ADGRV1: variants seen among roughly 807,000 people sequenced by gnomAD.
ADGRV1 encodes adhesion G protein-coupled receptor V1.
In ADGRV1, 359 loss-of-function variants were observed where a neutral mutation model predicts 596.2. The ratio of observed to expected loss-of-function variants is 0.60; its 90% CI spans 0.55 to 0.66. The LOEUF (loss-of-function observed/expected upper bound fraction) is 0.66. Ranked by LOEUF, ADGRV1 falls within the 30% of genes least tolerant of loss-of-function variation. The pLI is 0.00. For synonymous variants in ADGRV1, 2,681 were observed against 2,679.2 expected (o/e 1.00, Z -0.02); for missense variants, 7,274 against 7,575.6 (o/e 0.96, Z 1.48).
chr5:91,127,241 G>A (rs990248182), intron 87 of ADGRV1, among the ~76,000 whole-genome samples: 2 of 152,102 alleles, frequency 1.3e-5, no homozygotes, highest in African/African-American at 4.8e-5. Context: ...CTTCATATTT[G>A]TCAAATAATA....
intron 83 of ADGRV1, among the ~76,000 whole-genome samples, chr5:90,874,039 ACT>A: frequency 6.6e-6 from 1 of 151,908 alleles, no homozygotes; most frequent in African/African-American, 2.4e-5. Context: ...GACTAAATTG[ACT>A]CTAATCATTT....
chr5:90,615,097 TCTG>T, intron 2 of ADGRV1, 78 bp downstream of exon 2: 11 of 920,498 alleles, frequency 1.2e-5, no homozygotes, highest in South Asian at 6.5e-5. Context: ...ATTTTTTTTT[TCTG>T]TTTGAGATTT....
intron 7 of ADGRV1, chr5:90,628,047 T>C (rs1765019025): frequency 4.1e-6 from 1 of 244,068 alleles, no homozygotes; most frequent in Admixed American, 5.1e-5. Flanking sequence ...ATTCATAGTA[T>C]AGTAGTTCCC....
intron 85 of ADGRV1, 64 bp from the exon 86 acceptor site, chr5:91,072,383 A>G: frequency 7.4e-7 from 1 of 1,351,200 alleles, no homozygotes; most frequent in Non-Finnish European, 1.1e-6. Context: ...GATGTGATAC[A>G]TTCTGCATTT....
intron 1 of ADGRV1, among the ~76,000 whole-genome samples, chr5:90,596,710 G>T (rs1760696268): frequency 1.3e-5 from 2 of 152,212 alleles, no homozygotes; most frequent in African/African-American, 4.8e-5. Context: ...GAATCAGGCA[G>T]GGCGGTTGCA....
chr5:91,050,831 C>T, intron 85 of ADGRV1, among the ~76,000 whole-genome samples: 1 of 152,146 alleles, frequency 6.6e-6, no homozygotes, highest in Non-Finnish European at 1.5e-5. Flanking sequence ...TGCATTCCAG[C>T]CTGGGTGATG....
chr5:90,876,236 CAG>C (rs1769206336), intron 83 of ADGRV1, among the ~76,000 whole-genome samples: 1 of 152,092 alleles, frequency 6.6e-6, no homozygotes, highest in South Asian at 2.1e-4. Flanking sequence ...ATCCTCCTCT[CAG>C]AAATATTTAA....
At chr5:90,790,834 A>T in intron 69 of ADGRV1, 39 bp from the exon 70 acceptor site, 1 of 1,359,900 alleles carries the variant, frequency 7.4e-7, no homozygotes, top group Non-Finnish European at 1.0e-6. Flanking sequence ...CAATATACTG[A>T]ATTATATAAC....
At chr5:91,132,223 G>A (rs1320943793) in intron 87 of ADGRV1, among the ~76,000 whole-genome samples, 1 of 152,028 alleles carries the variant, frequency 6.6e-6, no homozygotes, top group African/African-American at 2.4e-5. Flanking sequence ...TTTCTGTATA[G>A]AACAAATTGT....
chr5:90,955,402 A>G (rs769608244), intron 83 of ADGRV1, among the ~76,000 whole-genome samples: 1 of 152,190 alleles, frequency 6.6e-6, no homozygotes, highest in Non-Finnish European at 1.5e-5. Context: ...TGCTGCCCCA[A>G]AGCAGAGAGT....
At chr5:90,770,170 A>G (rs1475087921) in intron 59 of ADGRV1, among the ~76,000 whole-genome samples, 1 of 152,204 alleles carries the variant, frequency 6.6e-6, no homozygotes. Flanking sequence ...ATTATGGCAG[A>G]AGATGAAGGA....
chr5:90,596,879 A>G (rs1257651447), intron 1 of ADGRV1, among the ~76,000 whole-genome samples: 1 of 152,182 alleles, frequency 6.6e-6, no homozygotes, highest in Admixed American at 6.5e-5. Flanking sequence ...GAGCTCTGGC[A>G]GTTCTTTATA....
In ADGRV1 at chr5:90,840,869, C is replaced by G. The variant is rs748718714; in HGVS notation, c.16903C>G (p.Leu5635Val). 6.2e-7 allele frequency: 1 copy of G among 1,608,462 alleles called. No homozygotes were observed. Among genetic ancestry groups the G allele is most frequent in the Non-Finnish European group, 8.5e-7 (1 of 1,176,368 alleles). Reference protein sequence around the residue: ...SQAIWGLADQLHQPVNDDILN... With the variant: ...SQAIWGLADQVHQPVNDDILN... ...GGCCATTTGGGGGCTTGCAGATCAG[C>G]TACATCAGCCTGTGAATGATGATAT... The change falls in exon 78 of 90, where the codon CTA becomes GTA. Residue 5635 changes from leucine (L) to valine (V), a missense_variant. By Grantham distance (32) the Leu-to-Val change is conservative. Transcript: ENST00000405460.
chr5:90,653,703 G>A lies in ADGRV1; in HGVS notation c.4129G>A (p.Gly1377Ser), dbSNP rs1768983271. 16 of 1,612,960 alleles carry A rather than the reference G, an allele frequency of 9.9e-6. No homozygotes were observed. Among genetic ancestry groups the A allele is most frequent in the Non-Finnish European group, 1.4e-5 (16 of 1,179,556 alleles). ...TNGFIIAKDD[G>S]NGSIYYGVKI... Reference sequence around the variant, plus strand: ...TGGATTCATTATAGCGAAGGATGACGGTAATGGAAGCATCTACTACGGGGT... The same window carrying A: ...TGGATTCATTATAGCGAAGGATGACAGTAATGGAAGCATCTACTACGGGGT... The change falls in exon 20 of 90, where the codon GGT becomes AGT. Residue 1377 changes from glycine (G) to serine (S), a missense_variant. Coordinates refer to ENST00000405460, the MANE Select transcript of ADGRV1 (RefSeq NM_032119.4).
intron 75 of ADGRV1, among the ~76,000 whole-genome samples, chr5:90,819,063 T>C (rs1382535421): frequency 6.6e-6 from 1 of 152,236 alleles, no homozygotes; most frequent in Non-Finnish European, 1.5e-5. Context: ...TTTTGGTTGG[T>C]AAACTATTGA....
intron 83 of ADGRV1, among the ~76,000 whole-genome samples, chr5:90,873,384 A>C (rs1163058090): frequency 1.3e-5 from 2 of 152,122 alleles, no homozygotes; most frequent in Admixed American, 1.3e-4. Flanking sequence ...AATATCAACA[A>C]CCAAGTGGGT....
intron 85 of ADGRV1, among the ~76,000 whole-genome samples, chr5:91,064,028 GT>G (rs1787674579): frequency 6.6e-6 from 1 of 152,164 alleles, no homozygotes; most frequent in Non-Finnish European, 1.5e-5. Context: ...ACTGTAGCTG[GT>G]ATGTGATTGA....
intron 54 of ADGRV1, among the ~76,000 whole-genome samples, chr5:90,754,177 T>TA (rs1354083779): frequency 6.6e-6 from 1 of 152,186 alleles, no homozygotes; most frequent in Non-Finnish European, 1.5e-5. Flanking sequence ...TTTCACTAGT[T>TA]ACAGAGAACA....
rs1234186135 is a variant in ADGRV1, at chr5:90,705,381, T to C, written c.8387-19T>C. Reference sequence around the variant, plus strand: ...AGCTAATGCCAAATCACTGTTAGATTCCTGCCTGACATTTTTAGGAGTTCC... The same window carrying C: ...AGCTAATGCCAAATCACTGTTAGATCCCTGCCTGACATTTTTAGGAGTTCC... On this transcript the variant is annotated intron_variant, in intron 36 of 89. Coordinates refer to ENST00000405460, the MANE Select transcript of ADGRV1 (RefSeq NM_032119.4). 4 of 1,610,790 alleles carry C rather than the reference T, an allele frequency of 2.5e-6. No homozygotes were observed. Among genetic ancestry groups the C allele is most frequent in the South Asian group, 2.2e-5 (2 of 90,674 alleles).
Sources: gnomAD v4.1 joint callset for allele counts (sites outside exome capture counted in the v4.1 genomes callset) on GRCh38, gnomAD v4.1.1 for gene constraint, MANE v1.5 for transcripts, NCBI Gene and HGNC (gene_info 2026-07-23, HGNC 2026-07-21) for gene names.